CTBP2: variants seen among roughly 807,000 people sequenced by gnomAD.
The protein encoded by CTBP2 is C-terminal-binding protein 2.
CTBP2 carries 30 observed loss-of-function variants against 80.3 expected under a neutral mutation model. The observed-to-expected ratio is 0.37, with a 90% CI of 0.28 to 0.51. The LOEUF (loss-of-function observed/expected upper bound fraction) is 0.51, where lower values mean the gene tolerates loss of function less well. CTBP2 is among the 20% of genes least tolerant of loss of function. The pLI is 0.93. For missense variants in CTBP2, 1,212 were observed against 1,375.3 expected, an observed-to-expected ratio of 0.88 and a Z score of 1.88; for synonymous variants, 594 against 587.4, an observed-to-expected ratio of 1.01 and a Z score of -0.16.
At chr10:125,116,280 C>T (rs1403266699) in intron 1 of CTBP2, among the ~76,000 whole-genome samples, 1 of 152,218 alleles carries the variant, frequency 6.6e-6, no homozygotes, top group Non-Finnish European at 1.5e-5. Context: ...GTGCAGGTCA[C>T]AGTGCCCCAC....
chr10:125,132,520 G>C (rs1377737712), intron 1 of CTBP2, among the ~76,000 whole-genome samples: 1 of 152,162 alleles, frequency 6.6e-6, no homozygotes, highest in East Asian at 1.9e-4. Flanking sequence ...GGCGGAGTTG[G>C]AGGAGGAGGA....
rs561232396 is a variant in CTBP2 at position 125,008,197 on chromosome 10, C to T, written c.1679-4705G>A. Among the ~76,000 whole-genome samples, 166 of 152,320 alleles carry T rather than the reference C, an allele frequency of 1.1e-3. 1 individual carries two copies. The highest frequency in any genetic ancestry group is 3.4e-3 in the Middle Eastern group (1 of 294). On this transcript the variant is annotated intron_variant, in intron 1 of 8. Transcript: ENST00000309035. ...CTGACCTCAGGTGATCCACCTGCCT[C>T]GGTCTCCCAAAATGCTGGGATTACA...
chr10:125,077,068 A>G (rs911960326), intron 2 of CTBP2, among the ~76,000 whole-genome samples: 4 of 152,150 alleles, frequency 2.6e-5, no homozygotes, highest in Admixed American at 1.3e-4. Context: ...TCCATTTTGA[A>G]AAGAGAAAAA....
intron 1 of CTBP2, chr10:125,025,948 C>T: frequency 8.1e-7 from 1 of 1,235,658 alleles, no homozygotes; most frequent in East Asian, 2.4e-5. Flanking sequence ...GTGCTGCGTC[C>T]TTCTTGTTTG....
intron 2 of CTBP2, among the ~76,000 whole-genome samples, chr10:125,072,204 C>A (rs943357639): frequency 1.3e-5 from 2 of 152,054 alleles, no homozygotes; most frequent in Admixed American, 1.3e-4. Context: ...TCCAGCTACT[C>A]GGGAGGCTGT....
intron 1 of CTBP2, among the ~76,000 whole-genome samples, chr10:125,112,327 G>A (rs1417041831): frequency 6.6e-6 from 1 of 151,998 alleles, no homozygotes; most frequent in East Asian, 1.9e-4. Flanking sequence ...TGGTCAGGCT[G>A]GTCTTGAACT....
rs1952031102 is a variant in CTBP2, at chr10:124,986,240, C to T, written c.*3278G>A. 1 of 151,104 alleles carries T rather than the reference C, an allele frequency of 6.6e-6. No individual in the cohort carries two copies. Among genetic ancestry groups the T allele is most frequent in the Admixed American group, 6.7e-5 (1 of 15,028 alleles). 9.4% of individuals were successfully genotyped at this position (151,104 alleles called of 1,614,324 possible). On this transcript the variant is annotated 3_prime_UTR_variant, in exon 9 of 9. Coordinates refer to ENST00000309035, the MANE Select transcript of CTBP2 (RefSeq NM_022802.3). ...GGTGTCCTGATAAGCACTTTCTAGA[C>T]TATTGATGTGGCCAGGAATTTGGAA... is the stretch of plus-strand genomic sequence containing the variant.
At chr10:125,009,447 GC>G (rs938973971) in intron 1 of CTBP2, among the ~76,000 whole-genome samples, 1 of 152,126 alleles carries the variant, frequency 6.6e-6, no homozygotes, top group Non-Finnish European at 1.5e-5. Context: ...CGAACCTGAG[GC>G]CCCGCCTGCC....
chr10:125,161,062 GT>G (rs1333598465), upstream of CTBP2: 1 of 126,314 alleles, frequency 7.9e-6, no homozygotes, highest in Non-Finnish European at 1.8e-5. Context: ...CCTCGCTCCT[GT>G]TTTTGGGGGG....
chr10:125,018,816 T>C (rs539058038), intron 1 of CTBP2, among the ~76,000 whole-genome samples: 12 of 152,320 alleles, frequency 7.9e-5, no homozygotes, highest in Admixed American at 5.2e-4. Context: ...CACAACTGCA[T>C]TGGGGGACCA....
intron 1 of CTBP2, chr10:125,158,514 T>A (rs946196012): frequency 6.6e-6 from 1 of 152,214 alleles, no homozygotes; most frequent in East Asian, 1.9e-4. Context: ...CCAATGCATA[T>A]TTATAGAATA....
intron 1 of CTBP2, among the ~76,000 whole-genome samples, chr10:125,015,416 A>G (rs117854848): frequency 0.019 from 2,823 of 152,372 alleles, 43 homozygotes; most frequent in Admixed American, 0.028. Context: ...GGCCACAAGC[A>G]GGAAACGTGA....
rs192366394 is a variant in CTBP2 at position 125,152,485 on chromosome 10, A to G, written c.-206+7834T>C. Among the ~76,000 whole-genome samples, 540 of 152,354 alleles carry G rather than the reference A, an allele frequency of 3.5e-3. 1 individual carries two copies. The highest frequency in any genetic ancestry group is 0.012 in the African/African-American group (518 of 41,588). ...ACCGCGAGTCACAGGAACAAGGAGG[A>G]AAAACAGCCTCTTTATGACTTGGGG... On this transcript the variant is annotated intron_variant, in intron 1 of 10. Coordinates refer to the CTBP2 transcript ENST00000337195.
Position 125,027,708 on chromosome 10 carries a change from C to T in CTBP2, c.52G>A (p.Ala18Thr), listed in dbSNP as rs1226687334. The T allele has an allele frequency of 6.2e-7, 1 of 1,612,272 alleles. No individual in the cohort carries two copies. The highest frequency in any genetic ancestry group is 1.3e-5 in the African/African-American group (1 of 74,884). ...CAGGGGCCCTCGTACCACCCAGCAGCATCCCAGCTCTGAGAACGACCAATA... is the reference window on the plus strand; with the variant it reads ...CAGGGGCCCTCGTACCACCCAGCAGTATCCCAGCTCTGAGAACGACCAATA... Residue 18 changes from alanine to threonine, a missense_variant, in exon 1 of 9, where the codon GCT becomes ACT. Transcript: ENST00000309035.
chr10:125,104,508 A>G (rs1457279044), intron 2 of CTBP2, among the ~76,000 whole-genome samples: 2 of 152,206 alleles, frequency 1.3e-5, no homozygotes, highest in Non-Finnish European at 2.9e-5. Flanking sequence ...AAATATGTAT[A>G]AATGTCACTG....
intron 1 of CTBP2, among the ~76,000 whole-genome samples, chr10:125,149,969 G>A (rs984503810): frequency 6.6e-6 from 1 of 152,220 alleles, no homozygotes; most frequent in Admixed American, 6.5e-5. Flanking sequence ...CGGATGCAGG[G>A]GAGCGACCCA....
chr10:125,045,817 G>GT (rs1220957129), intron 2 of CTBP2, among the ~76,000 whole-genome samples: 1 of 152,136 alleles, frequency 6.6e-6, no homozygotes, highest in East Asian at 1.9e-4. Context: ...ACACATTGAA[G>GT]TTTCACTCTG....
At chr10:125,078,724 C>T (rs1324696580) in intron 2 of CTBP2, among the ~76,000 whole-genome samples, 1 of 152,148 alleles carries the variant, frequency 6.6e-6, no homozygotes, top group Non-Finnish European at 1.5e-5. Flanking sequence ...CTTCAGATAC[C>T]TCTAGGGACT....
intron 1 of CTBP2, chr10:125,005,875 T>C (rs1238580348): frequency 7.7e-6 from 12 of 1,550,512 alleles, no homozygotes; most frequent in African/African-American, 2.7e-5. Context: ...GCTGGCAGGA[T>C]GGTTATCGGA....
Sources: allele counts gnomAD v4.1 joint callset (sites outside exome capture counted in the v4.1 genomes callset), GRCh38; gene constraint gnomAD v4.1.1; transcripts MANE v1.5; gene names NCBI Gene and HGNC (gene_info 2026-07-23, HGNC 2026-07-21).